Variants in EYA1 observed in about 807,000 individuals in gnomAD.
The protein encoded by EYA1 is EYA transcriptional coactivator and phosphatase 1.
EYA1 carries 16 observed loss-of-function variants against 82.0 expected under a neutral mutation model. The observed-to-expected ratio is 0.20, with a 90% CI of 0.13 to 0.30. The LOEUF is 0.30. Ranked by LOEUF, EYA1 falls within the 10% of genes least tolerant of loss-of-function variation. The pLI is 1.00. For missense variants in EYA1, 633 were observed against 730.7 expected, an observed-to-expected ratio of 0.87 and a Z score of 1.54; for synonymous variants, 261 against 264.4, an observed-to-expected ratio of 0.99 and a Z score of 0.12.
intron 2 of EYA1, among the ~76,000 whole-genome samples, chr8:71,444,422 A>T (rs117558632): frequency 1.3e-5 from 2 of 152,358 alleles, no homozygotes; most frequent in East Asian, 3.9e-4. Context: ...CAGGAACAGA[A>T]CACTAGACCA....
Position 71,503,193 on chromosome 8 carries a change from G to A in EYA1, c.33+32551C>T, listed in dbSNP as rs191450140. Among the ~76,000 whole-genome samples, 6 of 152,176 alleles carry A rather than the reference G, an allele frequency of 3.9e-5. No individual in the cohort carries two copies. In the East Asian group the frequency reaches 9.7e-4, roughly 25 times the overall value. ...ATTCAACTGTTTAAATGACAGTATAGTATTCAAAAGGGAAGCGATCAGCTG... is the reference window on the plus strand; with the variant it reads ...ATTCAACTGTTTAAATGACAGTATAATATTCAAAAGGGAAGCGATCAGCTG... On this transcript the variant is annotated intron_variant, in intron 2 of 18. Transcript: ENST00000643681.
chr8:71,294,994 T>C (rs1305384535), intron 9 of EYA1, among the ~76,000 whole-genome samples: 1 of 152,204 alleles, frequency 6.6e-6, no homozygotes, highest in Non-Finnish European at 1.5e-5. Flanking sequence ...GGAGAAAAGA[T>C]AGTTTTTCAA....
At chr8:71,276,668 C>T (rs773541280) in intron 9 of EYA1, among the ~76,000 whole-genome samples, 7 of 152,166 alleles carry the variant, frequency 4.6e-5, no homozygotes, top group East Asian at 1.9e-4. Flanking sequence ...TTTCCAGGAT[C>T]GATAGGCTCG....
At chr8:71,449,125 C>A in intron 2 of EYA1, 1 of 165,596 alleles carries the variant, frequency 6.0e-6, no homozygotes. Context: ...TGACGGTTGT[C>A]TTTGGATTCT....
chr8:71,529,995 A>T (rs1814139181), intron 2 of EYA1: 1 of 152,152 alleles, frequency 6.6e-6, no homozygotes, highest in African/African-American at 2.4e-5. Context: ...TCACACTCTT[A>T]TTAGTTTTTG....
chr8:71,432,056 C>T (rs973503257), intron 2 of EYA1, among the ~76,000 whole-genome samples: 6 of 152,188 alleles, frequency 3.9e-5, no homozygotes, highest in African/African-American at 9.7e-5. Flanking sequence ...TTTTCCTTAG[C>T]TATCACTGGA....
intron 2 of EYA1, among the ~76,000 whole-genome samples, chr8:71,492,601 A>G (rs1034670358): frequency 1.3e-5 from 2 of 151,708 alleles, no homozygotes; most frequent in Non-Finnish European, 2.9e-5. Flanking sequence ...AGTAGCTCGG[A>G]CTACAGGCGC....
At chr8:71,245,659 A>T (rs1476293194) in intron 11 of EYA1, among the ~76,000 whole-genome samples, 1 of 152,088 alleles carries the variant, frequency 6.6e-6, no homozygotes, top group Admixed American at 6.5e-5. Context: ...CCTGCACTAT[A>T]GGTTAATTTC....
intron 2 of EYA1, among the ~76,000 whole-genome samples, chr8:71,376,444 G>C (rs1828375337): frequency 1.3e-5 from 2 of 152,300 alleles, no homozygotes; most frequent in South Asian, 2.1e-4. Context: ...GAGCACAAAA[G>C]TGACATGATC....
intron 11 of EYA1, among the ~76,000 whole-genome samples, chr8:71,246,677 G>A (rs1813133506): frequency 6.6e-6 from 1 of 152,164 alleles, no homozygotes; most frequent in African/African-American, 2.4e-5. Flanking sequence ...TAATAAATCT[G>A]AGAGCAAGAT....
intron 2 of EYA1, among the ~76,000 whole-genome samples, chr8:71,474,585 C>T (rs1205019873): frequency 6.6e-6 from 1 of 152,106 alleles, no homozygotes; most frequent in Non-Finnish European, 1.5e-5. Context: ...TCTTACTAAG[C>T]TATTTGTTAA....
chr8:71,520,863 A>G (rs1314125196), intron 2 of EYA1, among the ~76,000 whole-genome samples: 3 of 152,226 alleles, frequency 2.0e-5, no homozygotes, highest in African/African-American at 7.2e-5. Flanking sequence ...AATTAAAAAA[A>G]GTTAACACAT....
chr8:71,533,592 C>A (rs78408911), intron 2 of EYA1, among the ~76,000 whole-genome samples: 12,930 of 152,158 alleles, frequency 0.085, 721 homozygotes, highest in South Asian at 0.21. Flanking sequence ...CCTTTAAATT[C>A]TTTATATTCT....
intron 4 of EYA1, among the ~76,000 whole-genome samples, chr8:71,330,661 C>G (rs1370108104): frequency 6.6e-6 from 1 of 152,194 alleles, no homozygotes; most frequent in African/African-American, 2.4e-5. Context: ...TGTGGTCCAG[C>G]AGGGACAAGG....
intron 2 of EYA1, among the ~76,000 whole-genome samples, chr8:71,420,747 T>TC (rs552814337): frequency 2.1e-4 from 32 of 152,292 alleles, no homozygotes; most frequent in Admixed American, 2.1e-3. Flanking sequence ...AAAATTGTAG[T>TC]CTAAGTAGTT....
At chr8:71,272,024 C>T (rs1445574578) in intron 9 of EYA1, 127 bp from the exon 10 acceptor site, 15 of 984,024 alleles carry the variant, frequency 1.5e-5, no homozygotes, top group East Asian at 1.2e-4. Context: ...AATCCTACAT[C>T]GTCTTTTACT....
intron 2 of EYA1, among the ~76,000 whole-genome samples, chr8:71,395,439 A>G (rs1042596296): frequency 6.6e-6 from 1 of 152,104 alleles, no homozygotes. Context: ...TGTCATAGAT[A>G]GCTCTTATTA....
At chr8:71,226,971 C>T (rs1810637539) in intron 12 of EYA1, among the ~76,000 whole-genome samples, 1 of 150,884 alleles carries the variant, frequency 6.6e-6, no homozygotes, top group South Asian at 2.1e-4. Context: ...ATAACCAGTG[C>T]AAACCTTCAT....
chr8:71,246,140 A>G (rs1207938392), intron 11 of EYA1, among the ~76,000 whole-genome samples: 1 of 152,220 alleles, frequency 6.6e-6, no homozygotes, highest in Non-Finnish European at 1.5e-5. Flanking sequence ...TATAAAATGA[A>G]TTTTTTAAGG....
Sources: gnomAD v4.1 joint callset for allele counts (sites outside exome capture counted in the v4.1 genomes callset) on GRCh38, gnomAD v4.1.1 for gene constraint, MANE v1.5 for transcripts, NCBI Gene and HGNC (gene_info 2026-07-23, HGNC 2026-07-21) for gene names.